SDF4: variants seen among roughly 807,000 people sequenced by gnomAD.
The protein encoded by SDF4 is stromal cell derived factor 4, also known as 45 kDa calcium-binding protein.
A neutral mutation model predicts 34.2 loss-of-function variants in SDF4; 22 were observed. The observed-to-expected ratio is 0.64, with a 90% CI of 0.46 to 0.92. The LOEUF (loss-of-function observed/expected upper bound fraction) is 0.92, where lower values mean the gene tolerates loss of function less well. Among genes scored for constraint, SDF4 ranks in the 40% least tolerant of loss-of-function variants. The pLI is 0.00. For synonymous variants in SDF4, 236 were observed against 203.1 expected, an observed-to-expected ratio of 1.16 and a Z score of -1.38; for missense variants, 447 against 499.9, an observed-to-expected ratio of 0.89 and a Z score of 1.01.
At position 1,228,682 on chromosome 1, in the gene SDF4, G is replaced by C; in HGVS notation, c.91C>G (p.Pro31Ala). 3.1e-6 allele frequency: 5 copies of C among 1,613,016 alleles called. No homozygotes were observed. Among genetic ancestry groups the C allele is most frequent in the Non-Finnish European group, 2.5e-6 (3 of 1,180,010 alleles). ...TCTCGAGTGGACGAGTGGTTGGCAGGCCGTGCAGACGCGTCCATCAGAAGG... is the reference window on the plus strand; with the variant it reads ...TCTCGAGTGGACGAGTGGTTGGCAGCCCGTGCAGACGCGTCCATCAGAAGG... Reference protein sequence around the residue: ...AVLLMDASARPANHSSTRERV... With the variant: ...AVLLMDASARAANHSSTRERV... Residue 31 changes from proline to alanine, a missense_variant, in exon 2 of 7, where the codon CCT (proline) becomes GCT (alanine). By Grantham distance (27) the Pro-to-Ala change is conservative. Coordinates refer to ENST00000360001, the MANE Select transcript of SDF4 (RefSeq NM_016176.6).
chr1:1,219,529 A>G (rs540601889), intron 4 of SDF4: 303 of 991,832 alleles, frequency 3.1e-4, no homozygotes, highest in Middle Eastern at 5.2e-4. Context: ...GTGACGTCAC[A>G]GGGAGGAAAA....
Position 1,219,408 on chromosome 1 carries a change from C to G in SDF4, c.557-481G>C, listed in dbSNP as rs967670793. Reference sequence around the variant, plus strand: ...CCCCTCAGGATGGGCCTGGGCCCCACCCCCCACACCCGCGCCTGCCCCTCT... The same window carrying G: ...CCCCTCAGGATGGGCCTGGGCCCCAGCCCCCACACCCGCGCCTGCCCCTCT... On this transcript the variant is annotated intron_variant, in intron 4 of 6. Transcript: ENST00000360001. 13 of 1,017,172 alleles carry G rather than the reference C, an allele frequency of 1.3e-5. No individual in the cohort carries two copies. The Admixed American group carries it at 6.7e-4, about 53-fold the overall frequency. 63.0% of individuals were successfully genotyped at this position (1,017,172 alleles called of 1,614,324 possible). A position where few individuals can be genotyped will look rare whatever the true frequency, so the allele number is the denominator to read the frequency against.
At chr1:1,226,826 G>A (rs1023504469) in intron 2 of SDF4, among the ~76,000 whole-genome samples, 7 of 152,190 alleles carry the variant, frequency 4.6e-5, no homozygotes, top group Non-Finnish European at 1.0e-4. Flanking sequence ...CCTCGCCCAG[G>A]CGTGCAGCCC....
intron 1 of SDF4, among the ~76,000 whole-genome samples, chr1:1,231,680 G>A (rs1638506537): frequency 6.6e-6 from 1 of 152,116 alleles, no homozygotes; most frequent in Middle Eastern, 3.2e-3. Context: ...GCCGGCGGCC[G>A]GGGAGGCCAG....
chr1:1,220,554 CCT>C (rs1006129990), intron 4 of SDF4: 21 of 1,260,188 alleles, frequency 1.7e-5, no homozygotes, highest in Admixed American at 7.2e-5. Context: ...TCCTAGGCAC[CCT>C]GAGGTCGGGG....
intron 4 of SDF4, chr1:1,220,231 C>G (rs915966502): frequency 2.0e-6 from 2 of 1,016,324 alleles, no homozygotes; most frequent in African/African-American, 3.4e-5. Flanking sequence ...TCTGGAGAGA[C>G]CCTCCTGGAT....
Position 1,220,305 on chromosome 1 carries a change from T to G in SDF4, c.557-1378A>C, listed in dbSNP as rs57159546. 4.6e-5 allele frequency: 50 copies of G among 1,092,350 alleles called. No individual in the cohort carries two copies. The African/African-American group carries it at 6.4e-4, about 14-fold the overall frequency. The allele number at this position is 1,092,350 out of a possible 1,614,324, so 67.7% of individuals were successfully genotyped here. On this transcript the variant is annotated intron_variant, in intron 4 of 6. Transcript: ENST00000360001. ...ACGCAGACCCAGAGAGAGGCAGCGA[T>G]GGAGGCGGGGGAAGGGAGTGATGCC...
At chr1:1,223,110 C>G (rs903387496) in intron 4 of SDF4, 134 bp downstream of exon 4, 3 of 673,174 alleles carry the variant, frequency 4.5e-6, no homozygotes, top group Non-Finnish European at 8.0e-6. Context: ...ACACACGGCA[C>G]GCACACACGT....
In SDF4 at chr1:1,231,192, G is replaced by A. The variant is rs115410901; in HGVS notation, c.-175+700C>T. 7.8e-3 allele frequency among the ~76,000 whole-genome samples: 1,185 copies of A among 152,286 alleles called. 16 individuals carry two copies. Among genetic ancestry groups the A allele is most frequent in the African/African-American group, 0.027 (1,124 of 41,556 alleles). On this transcript the variant is annotated intron_variant, in intron 1 of 6. Coordinates refer to ENST00000360001, the MANE Select transcript of SDF4 (RefSeq NM_016176.6). ...TGGCTTCAGAGTATCTATTCATCAC[G>A]GTGTGCCAGGTTCGCAGCACAGCGG...
chr1:1,220,001 CCTGT>C (rs1018956539), intron 4 of SDF4: 1 of 985,654 alleles, frequency 1.0e-6, no homozygotes, highest in African/African-American at 1.7e-5. Context: ...GGCACCCCTC[CCTGT>C]CTGCTCCACC....
chr1:1,231,603 A>C (rs1034790309), intron 1 of SDF4, among the ~76,000 whole-genome samples: 3 of 152,306 alleles, frequency 2.0e-5, no homozygotes, highest in African/African-American at 7.2e-5. Flanking sequence ...CGCGAGTCCA[A>C]CCAGACCCCT....
chr1:1,223,794 C>T (rs762515516), intron 3 of SDF4, 38 bp downstream of exon 3: 3 of 607,644 alleles, frequency 4.9e-6, no homozygotes, highest in Non-Finnish European at 8.9e-6. Flanking sequence ...CTGCCCGCCC[C>T]GCCCACCGCC....
rs1650097156 is a variant in SDF4, at chr1:1,223,437, G to C, written c.443-80C>G. 5.7e-6 allele frequency: 6 copies of C among 1,047,190 alleles called. No homozygotes were observed. In the Admixed American group the frequency reaches 1.1e-4, roughly 19 times the overall value. The allele number at this position is 1,047,190 out of a possible 1,614,324, so 64.9% of individuals were successfully genotyped here. On this transcript the variant is annotated intron_variant, in intron 3 of 6. Coordinates refer to ENST00000360001, the MANE Select transcript of SDF4 (RefSeq NM_016176.6). ...CTCAACTGAGATGGGGTCTTGCTCTGCTGCCCAGGCTGGAAGCGGCAGGAT... is the reference window on the plus strand; with the variant it reads ...CTCAACTGAGATGGGGTCTTGCTCTCCTGCCCAGGCTGGAAGCGGCAGGAT...
intron 2 of SDF4, among the ~76,000 whole-genome samples, chr1:1,227,835 G>A (rs987101171): frequency 2.0e-5 from 3 of 152,204 alleles, no homozygotes; most frequent in Non-Finnish European, 2.9e-5. Context: ...TCGGCACTAG[G>A]CACAGAGGCA....
At position 1,218,291 on chromosome 1, in the gene SDF4, C is replaced by T. The variant is rs74542167; in HGVS notation, c.891+167G>A. On this transcript the variant is annotated intron_variant, in intron 6 of 6. Transcript: ENST00000360001. The surrounding 1 kb of genome is among the most constrained non-coding windows in gnomAD (Gnocchi z 7.9). ...TCTGAACCTAAACGCCAACAACGGC[C>T]ATGCAGCCTGGTGGACACCGCTGAG... 2.6e-3 allele frequency among the ~76,000 whole-genome samples: 400 copies of T among 152,272 alleles called. No individual in the cohort carries two copies. The highest frequency in any genetic ancestry group is 9.0e-3 in the African/African-American group (376 of 41,560).
chr1:1,225,155 G>A (rs142352956), intron 2 of SDF4, among the ~76,000 whole-genome samples: 1 of 152,320 alleles, frequency 6.6e-6, no homozygotes, highest in East Asian at 1.9e-4. Context: ...GAAGCCACAG[G>A]CTCCTACCCC....
At chr1:1,222,951 C>T (rs1557517392) in intron 4 of SDF4, among the ~76,000 whole-genome samples, 1 of 152,180 alleles carries the variant, frequency 6.6e-6, no homozygotes, top group Non-Finnish European at 1.5e-5. Context: ...ACAGCGCACT[C>T]GTACACACGA....
chr1:1,219,784 G>T (rs1296308837), intron 4 of SDF4: 1 of 985,834 alleles, frequency 1.0e-6, no homozygotes, highest in Non-Finnish European at 1.2e-6. Flanking sequence ...GCCAAGTCCA[G>T]TGTTGAGGCC....
rs1046648395 is a variant in SDF4, at chr1:1,217,357, G to A, written c.*155C>T. The A allele has an allele frequency of 1.4e-5, 7 of 517,256 alleles. No homozygotes were observed. The highest frequency in any genetic ancestry group is 4.8e-5 in the South Asian group (1 of 20,790). The allele number at this position is 517,256 out of a possible 1,614,324, so 32.0% of individuals were successfully genotyped here. On this transcript the variant is annotated 3_prime_UTR_variant, in exon 7 of 7. Transcript: ENST00000360001. The surrounding 1 kb of genome is among the most constrained non-coding windows in gnomAD (Gnocchi z 8.5). ...CCCCGCCGGGGTGCGCGCTGCAGAGGGGACACGCCGCTCATCAACTGGGGC... is the reference window on the plus strand; with the variant it reads ...CCCCGCCGGGGTGCGCGCTGCAGAGAGGACACGCCGCTCATCAACTGGGGC...
Sources: gnomAD v4.1 joint callset for allele counts (sites outside exome capture counted in the v4.1 genomes callset) on GRCh38, gnomAD v4.1.1 for gene constraint, Gnocchi (gnomAD v3.1) non-coding constraint, MANE v1.5 for transcripts, NCBI Gene and HGNC (gene_info 2026-07-23, HGNC 2026-07-21) for gene names.